The following SCN11A variants were observed in gnomAD, a reference collection of about 807,000 sequenced individuals.
SCN11A encodes the protein sodium voltage-gated channel alpha subunit 11, also known as sodium channel protein type 11 subunit alpha.
A neutral mutation model predicts 162.2 loss-of-function variants in SCN11A; 122 were observed. That is an observed-to-expected ratio of 0.75 (90% CI 0.65 to 0.87). The LOEUF is 0.87. Ranked by LOEUF, SCN11A falls within the 40% of genes least tolerant of loss-of-function variation. SCN11A has a pLI of 0.00. For synonymous variants in SCN11A, 758 were observed against 751.5 expected, an observed-to-expected ratio of 1.01 and a Z score of -0.14; for missense variants, 2,015 against 2,181.6, an observed-to-expected ratio of 0.92 and a Z score of 1.52.
chr3:38,941,003 G>T (rs955791192), intron 7 of SCN11A, among the ~76,000 whole-genome samples: 15 of 152,128 alleles, frequency 9.9e-5, no homozygotes, highest in Admixed American at 2.0e-4. Flanking sequence ...AACTGGGGCA[G>T]AGTTTCCCCT....
chr3:38,852,215 C>A (rs2064793674), intron 28 of SCN11A, among the ~76,000 whole-genome samples: 1 of 152,066 alleles, frequency 6.6e-6, no homozygotes, highest in African/African-American at 2.4e-5. Context: ...GAGGACACTA[C>A]ATTTCAGTTG....
At position 39,041,781 on chromosome 3, in the gene SCN11A, T is replaced by C. The variant is rs535103091; in HGVS notation, c.-403-9278A>G. 3.2e-4 allele frequency among the ~76,000 whole-genome samples: 48 copies of C among 151,928 alleles called. No homozygotes were observed. The South Asian group carries it at 8.9e-3, about 28-fold the overall frequency. On this transcript the variant is annotated intron_variant, in intron 1 of 29. Coordinates refer to ENST00000302328, the MANE Select transcript of SCN11A (RefSeq NM_001349253.2). ...GTACAAAACTAACTGATTGAAAAGA[T>C]ACACAAATGAGAAAGAAAAATAAAC...
At position 38,883,281 on chromosome 3, in the gene SCN11A, C is replaced by A. The variant is rs779978505; in HGVS notation, c.3171G>T (p.Trp1057Cys). The A allele has an allele frequency of 2.5e-6, 4 of 1,614,016 alleles. No individual in the cohort carries two copies. The highest frequency in any genetic ancestry group is 3.4e-6 in the Non-Finnish European group (4 of 1,179,942). The change falls in exon 22 of 30, where the codon TGG becomes TGT. Residue 1057 changes from tryptophan to cysteine, a missense_variant. By Grantham distance (215) the Trp-to-Cys change is radical. Coordinates refer to ENST00000302328, the MANE Select transcript of SCN11A (RefSeq NM_001349253.2). ...TCACAAAGATAATAAAGCTCTCAAA[C>A]CAGCTGTGTTTCACTATTTGGTAGC... ...KTCYQIVKHS[W>C]FESFIIFVIL... is the part of the protein sequence containing the mutation.
At chr3:38,873,230 A>G (rs747349254) in intron 23 of SCN11A, among the ~76,000 whole-genome samples, 2 of 152,172 alleles carry the variant, frequency 1.3e-5, no homozygotes, top group African/African-American at 2.4e-5. Flanking sequence ...CTTGCTGCAG[A>G]TCTTCAGCCA....
intron 7 of SCN11A, among the ~76,000 whole-genome samples, chr3:38,938,534 ATATATATATATATATATTTTTTTTTTTTT>A (rs1292780548): frequency 5.5e-4 from 14 of 25,338 alleles, no homozygotes; most frequent in African/African-American, 1.5e-3. Context: ...ATATATATAT[ATATATATATATATATATTTTTTTTTTTTT>A]TTTTTTTTTT....
chr3:38,984,457 G>T (rs2030163267), intron 2 of SCN11A, among the ~76,000 whole-genome samples: 1 of 151,988 alleles, frequency 6.6e-6, no homozygotes, highest in Non-Finnish European at 1.5e-5. Flanking sequence ...GTAAAAGGGA[G>T]ATATTGATAT....
chr3:38,884,788 T>G lies in SCN11A; in HGVS notation c.3064+500A>C, dbSNP rs556759081. Among the ~76,000 whole-genome samples, 195 of 152,372 alleles carry G rather than the reference T, an allele frequency of 1.3e-3. 5 individuals are homozygous for G. In the South Asian group the frequency reaches 0.039, roughly 31 times the overall value. ...ACTCATTTAATAGTCACAACAACTCTTTGCTTTGGATACTATTATTACCCT... is the reference window on the plus strand; with the variant it reads ...ACTCATTTAATAGTCACAACAACTCGTTGCTTTGGATACTATTATTACCCT... On this transcript the variant is annotated intron_variant, in intron 21 of 29. Coordinates refer to ENST00000302328, the MANE Select transcript of SCN11A (RefSeq NM_001349253.2).
intron 19 of SCN11A, among the ~76,000 whole-genome samples, chr3:38,890,702 G>A (rs2065484942): frequency 6.6e-6 from 1 of 152,230 alleles, no homozygotes; most frequent in South Asian, 2.1e-4. Context: ...ACCAAAAGAG[G>A]CAGACAGCTT....
intron 2 of SCN11A, among the ~76,000 whole-genome samples, chr3:39,022,522 A>AT (rs1447867031): frequency 6.6e-6 from 1 of 152,204 alleles, no homozygotes. Flanking sequence ...ATAGATTACA[A>AT]TAAGAGACTT....
At chr3:38,929,939 C>A (rs928074647) in intron 7 of SCN11A, among the ~76,000 whole-genome samples, 4 of 152,176 alleles carry the variant, frequency 2.6e-5, no homozygotes, top group Non-Finnish European at 5.9e-5. Flanking sequence ...AGAAATACAT[C>A]TGTATTCTTT....
intron 2 of SCN11A, among the ~76,000 whole-genome samples, chr3:38,999,156 A>G (rs1316997682): frequency 6.6e-6 from 1 of 152,232 alleles, no homozygotes; most frequent in Non-Finnish European, 1.5e-5. Context: ...TTTACAGCAA[A>G]TAATGGAGGT....
chr3:38,941,551 G>A (rs952712291), intron 7 of SCN11A, among the ~76,000 whole-genome samples: 1 of 152,124 alleles, frequency 6.6e-6, no homozygotes, highest in African/African-American at 2.4e-5. Context: ...ATAACTATAT[G>A]ATAAAAAACA....
At chr3:38,921,288 A>T (rs1364020751) in intron 9 of SCN11A, 33 bp from the exon 10 acceptor site, 1 of 1,602,622 alleles carries the variant, frequency 6.2e-7, no homozygotes, top group East Asian at 2.2e-5. Context: ...GGAGAAGCCC[A>T]TCCCCCTCAG....
In SCN11A at chr3:38,927,951, C is replaced by T. The variant is rs1018382106; in HGVS notation, c.489-1020G>A. 2.6e-5 allele frequency among the ~76,000 whole-genome samples: 4 copies of T among 152,022 alleles called. No individual in the cohort carries two copies. The East Asian group carries it at 5.8e-4, about 22-fold the overall frequency. ...TAGCATAAAGACACATATAGACCAA[C>T]GGAATAGAATAGAGAGCCCAGAAGT... On this transcript the variant is annotated intron_variant, in intron 7 of 29. Transcript: ENST00000302328.
intron 5 of SCN11A, among the ~76,000 whole-genome samples, chr3:38,947,950 C>T (rs964039843): frequency 1.3e-5 from 2 of 152,212 alleles, no homozygotes; most frequent in Admixed American, 1.3e-4. Flanking sequence ...AGAGACAGAC[C>T]TCGGCACCCA....
rs1199517748 is a variant in SCN11A at position 38,846,712 on chromosome 3, G to A, written c.5358C>T (p.Gly1786=). ...TGAGGGCTCAGTCACAGTGGACCTT[G>A]CCCTTGGCCACCCCAAAGCTAGACA... ...GDLSSFGVAK[G]KVHCD The change falls in exon 30 of 30, where the codon GGC becomes GGT. Residue 1786 remains glycine (G), a synonymous_variant. Coordinates refer to ENST00000302328, the MANE Select transcript of SCN11A (RefSeq NM_001349253.2). The A allele has an allele frequency of 1.2e-6, 2 of 1,614,004 alleles. No homozygotes were observed. Among genetic ancestry groups the A allele is most frequent in the Non-Finnish European group, 1.7e-6 (2 of 1,179,948 alleles).
chr3:38,851,762 C>T (rs574012821), intron 28 of SCN11A, among the ~76,000 whole-genome samples: 78 of 152,280 alleles, frequency 5.1e-4, no homozygotes, highest in African/African-American at 1.8e-3. Context: ...CATCTTTAGA[C>T]ACCCAAGGGA....
chr3:38,870,182 T>A (rs2065102281), intron 26 of SCN11A, among the ~76,000 whole-genome samples: 1 of 152,142 alleles, frequency 6.6e-6, no homozygotes, highest in Non-Finnish European at 1.5e-5. Context: ...GAATCTGTGA[T>A]TATCTTTTCT....
intron 28 of SCN11A, among the ~76,000 whole-genome samples, chr3:38,856,267 C>T (rs1188079249): frequency 6.6e-6 from 1 of 152,168 alleles, no homozygotes; most frequent in Non-Finnish European, 1.5e-5. Context: ...CCCACAGGAA[C>T]ACAGTATGGA....
Sources: allele counts gnomAD v4.1 joint callset (sites outside exome capture counted in the v4.1 genomes callset), GRCh38; gene constraint gnomAD v4.1.1; transcripts MANE v1.5; gene names NCBI Gene and HGNC (gene_info 2026-07-23, HGNC 2026-07-21).